TOP2A: variants seen among roughly 807,000 people sequenced by gnomAD.
TOP2A encodes DNA topoisomerase II alpha.
In TOP2A, 68 loss-of-function variants were observed where a neutral mutation model predicts 187.2. The observed-to-expected ratio is 0.36, with a 90% confidence interval of 0.30 to 0.44. The LOEUF is 0.44. Among genes scored for constraint, TOP2A ranks in the 20% least tolerant of loss-of-function variants. The probability of loss-of-function intolerance (pLI) is 1.00; values close to 1 mark genes in which losing one functional copy is unlikely to be tolerated. For synonymous variants in TOP2A, 542 were observed against 593.2 expected (o/e 0.91, Z 1.25); for missense variants, 1,196 against 1,808.7 (o/e 0.66, Z 6.14).
Position 40,404,841 on chromosome 17 carries a change from T to A in TOP2A, c.1996A>T (p.Thr666Ser). Residue 666 changes from threonine (T) to serine (S), a missense_variant, in exon 17 of 35, where the codon ACT (threonine) becomes TCT (serine). Coordinates refer to ENST00000423485, the MANE Select transcript of TOP2A (RefSeq NM_001067.4). ...TGTCTTCTATCCTCCATGAAATTAG[T>A]TAACCATTCCTTTCGATCATCTATC... The part of the protein sequence containing the change: ...KQIDDRKEWL[T>S]NFMEDRRQRK... 1 of 1,603,186 alleles carries A rather than the reference T, an allele frequency of 6.2e-7. No individual in the cohort carries two copies. Among genetic ancestry groups the A allele is most frequent in the Non-Finnish European group, 8.5e-7 (1 of 1,174,114 alleles).
Position 40,390,010 on chromosome 17 carries a change from A to G in TOP2A, c.4422T>C (p.Ser1474=). The G allele has an allele frequency of 6.2e-7, 1 of 1,613,926 alleles. No homozygotes were observed. Among genetic ancestry groups the G allele is most frequent in the African/African-American group, 1.3e-5 (1 of 75,058 alleles). The change falls in exon 34 of 35, where the codon TCT becomes TCC. Residue 1474 remains serine (S), a synonymous_variant. Coordinates refer to ENST00000423485, the MANE Select transcript of TOP2A (RefSeq NM_001067.4). ...RKRKPSTSDD[S]DSNFEKIVSK... Reference sequence around the variant, plus strand: ...AAACAATTTTCTCAAAATTAGAGTCAGAATCATCAGAAGTGGATGGCTTCC... The same window carrying G: ...AAACAATTTTCTCAAAATTAGAGTCGGAATCATCAGAAGTGGATGGCTTCC...
intron 29 of TOP2A, among the ~76,000 whole-genome samples, chr17:40,395,112 G>A (rs990940807): frequency 1.3e-4 from 20 of 151,790 alleles, no homozygotes; most frequent in Admixed American, 5.3e-4. Flanking sequence ...GTGAAACCCC[G>A]TCTCTACTAA....
chr17:40,389,484 G>C lies in TOP2A; in HGVS notation c.*35C>G. 1 of 1,561,474 alleles carries C rather than the reference G, an allele frequency of 6.4e-7. No individual in the cohort carries two copies. The highest frequency in any genetic ancestry group is 8.7e-7 in the Non-Finnish European group (1 of 1,151,704). On this transcript the variant is annotated 3_prime_UTR_variant, in exon 35 of 35. Transcript: ENST00000423485. ...TAACTTTAAAACCAGTCTTGGGCTT[G>C]GTAAGATAATTACTTAAAATAATCG...
intron 29 of TOP2A, among the ~76,000 whole-genome samples, chr17:40,394,245 G>A (rs1490148855): frequency 6.6e-6 from 1 of 151,998 alleles, no homozygotes; most frequent in Non-Finnish European, 1.5e-5. Flanking sequence ...GGTGGCAAAT[G>A]GCAAATGATT....
chr17:40,407,232 C>A (rs1014002281), intron 13 of TOP2A, among the ~76,000 whole-genome samples: 15 of 152,146 alleles, frequency 9.9e-5, no homozygotes, highest in Non-Finnish European at 1.6e-4. Flanking sequence ...CCATTGCACT[C>A]CAGCCTGGGC....
In TOP2A at chr17:40,406,622, G is replaced by T. The variant is rs755300638; in HGVS notation, c.1805C>A (p.Thr602Asn). The stretch of plus-strand genomic sequence containing the variant: ...GACTTTCCATTTTTTATGATTTGGA[G>T]TAGAACTCTTCCACTCTTCAAATTC... ...LPEFEEWKSS[T>N]PNHKKWKVKY... Residue 602 changes from threonine to asparagine, a missense_variant, in exon 15 of 35, where the codon ACT becomes AAT. Thr to Asn is a moderately conservative substitution (Grantham distance 65, BLOSUM62 0). Transcript: ENST00000423485. The T allele has an allele frequency of 8.7e-5, 141 of 1,612,586 alleles. No individual in the cohort carries two copies. Among genetic ancestry groups the T allele is most frequent in the Non-Finnish European group, 1.2e-4 (139 of 1,179,610 alleles).
chr17:40,394,065 C>CAAA (rs34089833), intron 29 of TOP2A, among the ~76,000 whole-genome samples: 9 of 108,640 alleles, frequency 8.3e-5, no homozygotes, highest in South Asian at 3.0e-4. Flanking sequence ...AACTCTGCCT[C>CAAA]AAAAAAAAAA....
intron 30 of TOP2A, 118 bp from the exon 31 acceptor site, chr17:40,392,459 G>A (rs2035036935): frequency 6.8e-7 from 1 of 1,471,178 alleles, no homozygotes; most frequent in Non-Finnish European, 9.2e-7. Context: ...ATGCTTCAGT[G>A]TTTCAAAGCT....
chr17:40,405,924 G>A (rs1044264243), intron 16 of TOP2A, among the ~76,000 whole-genome samples: 3 of 150,610 alleles, frequency 2.0e-5, no homozygotes, highest in Admixed American at 6.6e-5. Flanking sequence ...GTGCCACCAC[G>A]GCCGGCTAAT....
rs761672723 is a variant in TOP2A, at chr17:40,392,350, A to C, written c.3965-9T>G. Reference sequence around the variant, plus strand: ...TGTGAATTTTGTTTTTGCTAGTAAAAAAACCATATACAAAAAAATCAAAGA... The same window carrying C: ...TGTGAATTTTGTTTTTGCTAGTAAACAAACCATATACAAAAAAATCAAAGA... On this transcript the variant is annotated splice_polypyrimidine_tract_variant and intron_variant, in intron 30 of 34. Coordinates refer to ENST00000423485, the MANE Select transcript of TOP2A (RefSeq NM_001067.4). 1 of 1,577,318 alleles carries C rather than the reference A, an allele frequency of 6.3e-7. No individual in the cohort carries two copies. Among genetic ancestry groups the C allele is most frequent in the Non-Finnish European group, 8.6e-7 (1 of 1,160,208 alleles).
In TOP2A at chr17:40,406,894, G is replaced by A. The variant is rs1281867397; in HGVS notation, c.1675C>T (p.His559Tyr). 6.2e-7 allele frequency: 1 copy of A among 1,606,862 alleles called. No individual in the cohort carries two copies. Among genetic ancestry groups the A allele is most frequent in the Admixed American group, 1.7e-5 (1 of 58,806 alleles). ...IKGLLINFIH[H>Y]NWPSLLRHRF... ...TGTCGCAGAAGAGAGGGCCAGTTGT[G>A]ATGGATAAAATTAATCAGCAAGCCT... The change falls in exon 14 of 35, where the codon CAC (histidine) becomes TAC (tyrosine). Residue 559 changes from histidine (H) to tyrosine (Y), a missense_variant. By Grantham distance (83) the His-to-Tyr change is moderately conservative (BLOSUM62 2). Transcript: ENST00000423485.
rs2143612754 is a variant in TOP2A, at chr17:40,388,740, A to G, written c.*779T>C. On this transcript the variant is annotated 3_prime_UTR_variant, in exon 35 of 35. Transcript: ENST00000423485. ...TGCTGAGCATGGTTATCAATATAAC[A>G]TTTAAGATCTTGGATCAAATGTTGT... is the stretch of plus-strand genomic sequence containing the variant. 5.2e-6 allele frequency: 1 copy of G among 192,528 alleles called. No homozygotes were observed. The highest frequency in any genetic ancestry group is 8.2e-5 in the East Asian group (1 of 12,164). 11.9% of individuals were successfully genotyped at this position (192,528 alleles called of 1,614,324 possible).
chr17:40,406,853 T>C lies in TOP2A; in HGVS notation c.1716A>G (p.Glu572=). ...PSLLRHRFLE[E]FITPIVKVSK... ...GTACCTTTACAATGGGAGTGATAAA[T>C]TCCTCCAGAAAACGATGTCGCAGAA... Residue 572 remains glutamate (E), a synonymous_variant, in exon 14 of 35, where the codon GAA becomes GAG. Transcript: ENST00000423485. 1 of 1,606,790 alleles carries C rather than the reference T, an allele frequency of 6.2e-7. No homozygotes were observed. The highest frequency in any genetic ancestry group is 1.1e-5 in the South Asian group (1 of 90,178).
Position 40,413,255 on chromosome 17 carries a change from T to C in TOP2A, c.516A>G (p.Ile172Met). 3 of 1,566,574 alleles carry C rather than the reference T, an allele frequency of 1.9e-6. No individual in the cohort carries two copies. Among genetic ancestry groups the C allele is most frequent in the Non-Finnish European group, 2.6e-6 (3 of 1,153,758 alleles). The change falls in exon 6 of 35, where the codon ATA becomes ATG. Residue 172 changes from isoleucine to methionine, a missense_variant. Ile to Met is a conservative substitution (Grantham distance 10, BLOSUM62 1). Coordinates refer to ENST00000423485, the MANE Select transcript of TOP2A (RefSeq NM_001067.4). ...RNGYGAKLCN[I>M]FSTKFTVETA... is the part of the protein sequence containing the mutation. ...TTTCCACAGTAAATTTGGTACTGAA[T>C]ATGTTACACAATTTGGCTCCATAGC...
chr17:40,391,051 AT>A (rs2035016776), intron 33 of TOP2A, among the ~76,000 whole-genome samples: 1 of 151,708 alleles, frequency 6.6e-6, no homozygotes. Context: ...GATTTTAAAC[AT>A]TTGGACTACC....
intron 33 of TOP2A, chr17:40,391,264 G>T: frequency 2.5e-6 from 1 of 398,174 alleles, no homozygotes; most frequent in Non-Finnish European, 4.5e-6. Flanking sequence ...GTGAGAAGGA[G>T]GGAAAAGAGT....
rs2035040559 is a variant in TOP2A at position 40,392,695 on chromosome 17, A to C, written c.3854T>G (p.Ile1285Ser). The change falls in exon 30 of 35, where the codon ATC becomes AGC. Residue 1285 changes from isoleucine to serine, a missense_variant. By Grantham distance (142) the Ile-to-Ser change is moderately radical. Transcript: ENST00000423485. ...KKQTTLAFKP[I>S]KKGKKRNPWS... ...GGGATTTCTCTTCTTTCCTTTTTTG[A>C]TTGGCTTAAATGCCAATGTAGTTTG... The C allele has an allele frequency of 6.2e-7, 1 of 1,612,280 alleles. No homozygotes were observed.
chr17:40,390,748 C>T (rs2035013790), intron 33 of TOP2A, among the ~76,000 whole-genome samples: 1 of 151,286 alleles, frequency 6.6e-6, no homozygotes, highest in African/African-American at 2.4e-5. Context: ...CTGTTTCAGC[C>T]TCCCGAGTAG....
At chr17:40,394,090 A>G (rs887307245) in intron 29 of TOP2A, among the ~76,000 whole-genome samples, 56 of 151,366 alleles carry the variant, frequency 3.7e-4, no homozygotes, top group Non-Finnish European at 1.5e-4. Context: ...AAAAAGAATG[A>G]AGTACTAATA....
Sources: gnomAD v4.1 joint callset for allele counts (sites outside exome capture counted in the v4.1 genomes callset) on GRCh38, gnomAD v4.1.1 for gene constraint, MANE v1.5 for transcripts, NCBI Gene and HGNC (gene_info 2026-07-23, HGNC 2026-07-21) for gene names.